ZGRF1: variants seen among roughly 807,000 people sequenced by gnomAD.
The protein encoded by ZGRF1 is 5'-3' DNA helicase ZGRF1.
A neutral mutation model predicts 203.5 loss-of-function variants in ZGRF1; 196 were observed. That is an observed-to-expected ratio of 0.96 (90% CI 0.86 to 1.08). The LOEUF is 1.08. Among genes scored for constraint, ZGRF1 ranks in the 50% least tolerant of loss-of-function variants. The probability of loss-of-function intolerance (pLI) is 0.00; values close to 1 mark genes in which losing one functional copy is unlikely to be tolerated. For missense variants in ZGRF1, 2,326 were observed against 2,416.3 expected (o/e 0.96, Z 0.78); for synonymous variants, 809 against 841.3 (o/e 0.96, Z 0.66).
chr4:112,617,810 ATTGGTAT>A lies in ZGRF1; in HGVS notation c.2225_2231del (p.Asn742IlefsTer79). 1 of 1,613,978 alleles carries A rather than the reference ATTGGTAT, an allele frequency of 6.2e-7. No individual in the cohort carries two copies. Among genetic ancestry groups the A allele is most frequent in the Non-Finnish European group, 8.5e-7 (1 of 1,179,892 alleles). ...GTGCAATACATTCATAGTGATTCTG[ATTGGTAT>A]TTAATAGTTGGACACTGTTGTCACT... On this transcript the variant is annotated frameshift_variant, in exon 6 of 28. Transcript: ENST00000505019. LOFTEE classifies it high-confidence loss of function.
chr4:112,568,891 G>A (rs1743705928), intron 16 of ZGRF1, among the ~76,000 whole-genome samples: 2 of 152,004 alleles, frequency 1.3e-5, no homozygotes, highest in African/African-American at 4.8e-5. Flanking sequence ...GTGTGCGCCT[G>A]TAGTCCCAGC....
At chr4:112,542,676 C>T (rs759521352) in intron 24 of ZGRF1, among the ~76,000 whole-genome samples, 16 of 152,096 alleles carry the variant, frequency 1.1e-4, no homozygotes, top group Non-Finnish European at 2.2e-4. Context: ...GGGGCTCACA[C>T]GATCCTTCTG....
chr4:112,616,274 C>T (rs2046865188), intron 6 of ZGRF1, among the ~76,000 whole-genome samples: 1 of 151,904 alleles, frequency 6.6e-6, no homozygotes, highest in African/African-American at 2.4e-5. Flanking sequence ...AATCCTAGCA[C>T]TTTGGGAGGC....
chr4:112,617,815 T>C lies in ZGRF1; in HGVS notation c.2227A>G (p.Thr743Ala), dbSNP rs1396327089. The C allele has an allele frequency of 6.2e-7, 1 of 1,613,916 alleles. No homozygotes were observed. Among genetic ancestry groups the C allele is most frequent in the African/African-American group, 1.3e-5 (1 of 74,918 alleles). The change falls in exon 6 of 28, where the codon ACC (threonine) becomes GCC (alanine). Residue 743 changes from threonine to alanine, a missense_variant. Coordinates refer to ENST00000505019, the MANE Select transcript of ZGRF1 (RefSeq NM_018392.5). ...SSDNSVQLLN[T>A]NQNHYECIAL... ...ATACATTCATAGTGATTCTGATTGG[T>C]ATTTAATAGTTGGACACTGTTGTCA...
chr4:112,616,759 C>T (rs28551724), intron 6 of ZGRF1, among the ~76,000 whole-genome samples: 3,797 of 151,416 alleles, frequency 0.025, 61 homozygotes, highest in Non-Finnish European at 0.038. Context: ...ATCACTTGAA[C>T]CCAGGAGGTG....
chr4:112,580,718 CCACAATGAGATACCATCTCA>C (rs1436009792), intron 16 of ZGRF1, among the ~76,000 whole-genome samples: 1 of 152,108 alleles, frequency 6.6e-6, no homozygotes, highest in Non-Finnish European at 1.5e-5. Context: ...CAAATCAAAA[CCACAATGAGATACCATCTCA>C]CACCAGTAAG....
intron 24 of ZGRF1, 98 bp from the exon 25 acceptor site, chr4:112,541,366 G>A (rs568424958): frequency 1.9e-6 from 1 of 537,290 alleles, no homozygotes; most frequent in East Asian, 3.0e-5. Flanking sequence ...CTATATTATG[G>A]TCTTAGGAGA....
At chr4:112,566,088 A>C (rs1270608888) in intron 16 of ZGRF1, among the ~76,000 whole-genome samples, 1 of 152,182 alleles carries the variant, frequency 6.6e-6, no homozygotes, top group Non-Finnish European at 1.5e-5. Flanking sequence ...AAAGACTTGG[A>C]ACCAACCCAA....
chr4:112,620,381 T>A (rs1228654591), intron 4 of ZGRF1, among the ~76,000 whole-genome samples, 191 bp from the exon 5 acceptor site: 1 of 152,162 alleles, frequency 6.6e-6, no homozygotes, highest in Admixed American at 6.5e-5. Flanking sequence ...AAAAGGACAA[T>A]AATATAATTT....
intron 10 of ZGRF1, among the ~76,000 whole-genome samples, chr4:112,593,128 C>T (rs965057610): frequency 6.6e-6 from 1 of 152,170 alleles, no homozygotes; most frequent in African/African-American, 2.4e-5. Context: ...GCCATCTAGC[C>T]TGTGGTATTT....
chr4:112,633,031 G>A lies in ZGRF1; in HGVS notation c.21+125C>T, dbSNP rs2047462714. The A allele has an allele frequency of 3.0e-5, 24 of 813,440 alleles. No individual in the cohort carries two copies. In the South Asian group the frequency reaches 3.3e-4, roughly 11 times the overall value. 50.4% of individuals were successfully genotyped at this position (813,440 alleles called of 1,614,324 possible). On this transcript the variant is annotated intron_variant, in intron 2 of 27. Transcript: ENST00000505019. ...TTATTTGAAATTCAAATTTAACTGA[G>A]TAGCCTGTTTTTTGTTTTGTTTTTG... is the stretch of plus-strand genomic sequence containing the variant.
At chr4:112,597,212 T>TA (rs1273783172) in intron 10 of ZGRF1, among the ~76,000 whole-genome samples, 24,854 of 105,218 alleles carry the variant, frequency 0.24, 2,655 homozygotes, top group South Asian at 0.29. Context: ...AAACTCCATC[T>TA]AAAAAAAAAA....
At position 112,589,822 on chromosome 4, in the gene ZGRF1, G is replaced by C; in HGVS notation, c.3029C>G (p.Ser1010Cys). The C allele has an allele frequency of 1.2e-6, 2 of 1,613,272 alleles. No individual in the cohort carries two copies. The highest frequency in any genetic ancestry group is 1.7e-6 in the Non-Finnish European group (2 of 1,179,500). ...ISTLSPVSTF[S>C]LNSRDEDFMV... ...GAAGTCTTCATCTCTTGAGTTCAAA[G>C]AAAAGGTAGAAACAGGGCTCAATGT... The change falls in exon 11 of 28, where the codon TCT becomes TGT. Residue 1010 changes from serine to cysteine, a missense_variant. Physicochemically the swap from Ser to Cys is moderately radical, Grantham distance 112. Coordinates refer to ENST00000505019, the MANE Select transcript of ZGRF1 (RefSeq NM_018392.5).
At chr4:112,565,986 C>T (rs1413648457) in intron 16 of ZGRF1, among the ~76,000 whole-genome samples, 1 of 152,124 alleles carries the variant, frequency 6.6e-6, no homozygotes, top group East Asian at 1.9e-4. Flanking sequence ...CCCAGCCATC[C>T]CATTACTGGG....
At chr4:112,620,230 T>C in intron 4 of ZGRF1, 40 bp from the exon 5 acceptor site, 1 of 1,513,156 alleles carries the variant, frequency 6.6e-7, no homozygotes, top group Non-Finnish European at 9.0e-7. Flanking sequence ...ATCTAATTAT[T>C]TGATTATCTA....
In ZGRF1 at chr4:112,585,718, T is replaced by G; in HGVS notation, c.3924A>C (p.Leu1308=). The G allele has an allele frequency of 6.6e-7, 1 of 1,516,560 alleles. No individual in the cohort carries two copies. The highest frequency in any genetic ancestry group is 1.3e-5 in the South Asian group (1 of 76,380). The allele number at this position is 1,516,560 out of a possible 1,614,324, so 93.9% of individuals were successfully genotyped here. The change falls in exon 14 of 28, where the codon CTA becomes CTC. Residue 1308 remains leucine, a synonymous_variant. Transcript: ENST00000505019. Reference sequence around the variant, plus strand: ...GTGCTAACCCAAACAGCAATATATTTAGATGTTCTACAAAAAAAAAAAAAA... The same window carrying G: ...GTGCTAACCCAAACAGCAATATATTGAGATGTTCTACAAAAAAAAAAAAAA... ...QTFTSCLIEH[L]NILLFGLAQN... is the part of the protein sequence containing the mutation.
chr4:112,613,148 A>G (rs969851246), intron 6 of ZGRF1, among the ~76,000 whole-genome samples: 1 of 152,092 alleles, frequency 6.6e-6, no homozygotes, highest in African/African-American at 2.4e-5. Context: ...ACAAAAATTA[A>G]CCAGACATGG....
intron 20 of ZGRF1, among the ~76,000 whole-genome samples, chr4:112,556,094 C>T (rs937718389): frequency 1.3e-5 from 2 of 151,558 alleles, no homozygotes; most frequent in Non-Finnish European, 2.9e-5. Flanking sequence ...CAAAAAACAA[C>T]GTTGTCCTCA....
chr4:112,598,022 T>C (rs1283603981), intron 10 of ZGRF1, among the ~76,000 whole-genome samples: 1 of 152,036 alleles, frequency 6.6e-6, no homozygotes, highest in African/African-American at 2.4e-5. Flanking sequence ...GTCTCCCAAA[T>C]TTTATCTCCC....
Sources: gnomAD v4.1 joint callset for allele counts (sites outside exome capture counted in the v4.1 genomes callset) on GRCh38, gnomAD v4.1.1 for gene constraint, MANE v1.5 for transcripts, NCBI Gene and HGNC (gene_info 2026-07-23, HGNC 2026-07-21) for gene names.